The following DIDO1 variants were observed in gnomAD, a reference collection of about 807,000 sequenced individuals.
DIDO1 encodes death-inducer obliterator 1.
A neutral mutation model predicts 99.4 loss-of-function variants in DIDO1; 16 were observed. The ratio of observed to expected loss-of-function variants is 0.16; its 90% CI spans 0.11 to 0.24. The LOEUF (loss-of-function observed/expected upper bound fraction) is 0.24, where lower values mean the gene tolerates loss of function less well. DIDO1 is among the 10% of genes least tolerant of loss of function. DIDO1 has a pLI of 1.00. For missense variants in DIDO1, 2,996 were observed against 3,014.0 expected (o/e 0.99, Z 0.14); for synonymous variants, 1,366 against 1,239.1 (o/e 1.10, Z -2.15).
At chr20:62,886,063 C>T (rs1221928584) in intron 15 of DIDO1, among the ~76,000 whole-genome samples, 3 of 152,324 alleles carry the variant, frequency 2.0e-5, no homozygotes, top group East Asian at 3.9e-4. Context: ...GAGGCCTGCA[C>T]GAAGCTGGCA....
At chr20:62,904,555 C>T (rs1158474503) in intron 6 of DIDO1, among the ~76,000 whole-genome samples, 1 of 152,020 alleles carries the variant, frequency 6.6e-6, no homozygotes, top group Non-Finnish European at 1.5e-5. Context: ...CCGAGTTGGG[C>T]AGATCACATG....
upstream of DIDO1, among the ~76,000 whole-genome samples, chr20:62,927,536 G>A (rs114779622): frequency 2.3e-3 from 349 of 152,332 alleles, 1 homozygote; most frequent in African/African-American, 7.6e-3. Flanking sequence ...GGGGGGTGGA[G>A]GTGGCCCCAT....
chr20:62,895,361 G>GC (rs1226225482), intron 8 of DIDO1, among the ~76,000 whole-genome samples, 196 bp from the exon 9 acceptor site: 2 of 152,126 alleles, frequency 1.3e-5, no homozygotes, highest in African/African-American at 2.4e-5. Context: ...ATGAGAGTGC[G>GC]CCCCAGGATA....
chr20:62,931,092 CA>C (rs1256187689), upstream of DIDO1, among the ~76,000 whole-genome samples: 1 of 152,132 alleles, frequency 6.6e-6, no homozygotes, highest in Admixed American at 6.5e-5. Context: ...AGGTGCATGC[CA>C]CCACAACTGG....
At chr20:62,914,653 G>C (rs991882706) in intron 1 of DIDO1, among the ~76,000 whole-genome samples, 4 of 152,092 alleles carry the variant, frequency 2.6e-5, no homozygotes, top group African/African-American at 9.7e-5. Context: ...TGGAGTCCCA[G>C]GCTTGCCCCA....
At chr20:62,905,052 A>G (rs781056592) in intron 6 of DIDO1, 216 of 990,428 alleles carry the variant, frequency 2.2e-4, no homozygotes, top group Non-Finnish European at 2.4e-4. Context: ...ACAAGAAAAC[A>G]TTAAAATTGC....
At chr20:62,899,795 G>A (rs975187525) in intron 6 of DIDO1, among the ~76,000 whole-genome samples, 9 of 152,266 alleles carry the variant, frequency 5.9e-5, no homozygotes, top group South Asian at 2.1e-4. Context: ...CCTACAACAC[G>A]CAGAAAGCCC....
At chr20:62,883,660 A>G (rs1452646641) in intron 15 of DIDO1, among the ~76,000 whole-genome samples, 1 of 152,186 alleles carries the variant, frequency 6.6e-6, no homozygotes, top group Non-Finnish European at 1.5e-5. Flanking sequence ...CCCCGTCTCT[A>G]CTAAAAATAC....
At chr20:62,899,497 T>C (rs898081547) in intron 6 of DIDO1, among the ~76,000 whole-genome samples, 7 of 152,248 alleles carry the variant, frequency 4.6e-5, no homozygotes, top group African/African-American at 1.2e-4. Context: ...AACTACACTA[T>C]TGTCTCCCTC....
rs1229538835 is a variant in DIDO1, at chr20:62,879,827, C to T, written c.6129G>A (p.Glu2043=). 1 of 1,608,506 alleles carries T rather than the reference C, an allele frequency of 6.2e-7. No individual in the cohort carries two copies. Residue 2043 remains glutamate (E), a synonymous_variant, in exon 16 of 16, where the codon GAG becomes GAA. Transcript: ENST00000395343. This position sits in a 1 kb window ranked among gnomAD's most constrained non-coding sequence, Gnocchi z 6.3. ...AGGAGAGCGCGGAGGGCGGCCCGGCCTCCTCCCAGCGGTCCTTCCGGTGCT... is the reference window on the plus strand; with the variant it reads ...AGGAGAGCGCGGAGGGCGGCCCGGCTTCCTCCCAGCGGTCCTTCCGGTGCT... ...PPQHRKDRWE[E]AGPPSALSSS... is the part of the protein sequence containing the mutation.
At chr20:62,897,401 G>A (rs2064560507) in intron 6 of DIDO1, among the ~76,000 whole-genome samples, 1 of 152,208 alleles carries the variant, frequency 6.6e-6, no homozygotes, top group African/African-American at 2.4e-5. Flanking sequence ...AAACTTCAGT[G>A]AAAAAGACCG....
In DIDO1 at chr20:62,894,187, A is replaced by T; in HGVS notation, c.2580T>A (p.Val860=). 6.2e-7 allele frequency: 1 copy of T among 1,612,212 alleles called. No individual in the cohort carries two copies. Among genetic ancestry groups the T allele is most frequent in the Non-Finnish European group, 8.5e-7 (1 of 1,178,572 alleles). ...DLNCKICTGQ[V]PSAEDEPAPK... is the part of the protein sequence containing the mutation. ...GAGCTGGCTCATCTTCTGCGGAGGG[A>T]ACCTGGCCTGAAGAAGGCGAGGAAA... The change falls in exon 12 of 16, where the codon GTT becomes GTA. Residue 860 remains valine, a synonymous_variant. Coordinates refer to ENST00000395343, the MANE Select transcript of DIDO1 (RefSeq NM_001193369.2). The surrounding 1 kb of genome is among the most constrained non-coding windows in gnomAD (Gnocchi z 4.4).
chr20:62,931,949 T>TA (rs1210997136), intron 1 of DIDO1, among the ~76,000 whole-genome samples: 1 of 152,274 alleles, frequency 6.6e-6, no homozygotes, highest in East Asian at 1.9e-4. Context: ...AACAAAATGG[T>TA]AAAACTGAGA....
Position 62,879,390 on chromosome 20 carries a change from C to A in DIDO1, c.6566G>T (p.Arg2189Leu). 1 of 1,544,510 alleles carries A rather than the reference C, an allele frequency of 6.5e-7. No homozygotes were observed. Among genetic ancestry groups the A allele is most frequent in the East Asian group, 2.4e-5 (1 of 40,944 alleles). The change falls in exon 16 of 16, where the codon CGG becomes CTG. Residue 2189 changes from arginine to leucine, a missense_variant. Arg to Leu is a moderately radical substitution (Grantham distance 102). This residue lies in a region of DIDO1 where 1,562 missense variants were observed against 1,412.6 expected (regional missense o/e 1.11). Transcript: ENST00000395343. The surrounding 1 kb of genome is among the most constrained non-coding windows in gnomAD (Gnocchi z 6.3). ...CCGCTCTCTGCTCCGGGACCGGTCC[C>A]GGTCGCGCCTCCGGTCTCGCTCGCG... The part of the protein sequence containing the change: ...RERERDRRRD[R>L]DRSRSRERDR...
At chr20:62,910,634 G>T in intron 3 of DIDO1, 140 bp downstream of exon 3, 1 of 1,043,338 alleles carries the variant, frequency 9.6e-7, no homozygotes, top group Non-Finnish European at 1.4e-6. Flanking sequence ...CCACTCTTAT[G>T]TGTTTCTTTT....
At chr20:62,926,670 A>G (rs539576924), upstream of DIDO1, among the ~76,000 whole-genome samples, 1 of 152,204 alleles carries the variant, frequency 6.6e-6, no homozygotes, top group East Asian at 1.9e-4. Flanking sequence ...TCGGGTCTGC[A>G]CTGACAATGA....
intron 1 of DIDO1, among the ~76,000 whole-genome samples, chr20:62,916,074 T>C (rs1446317481): frequency 6.6e-6 from 1 of 152,208 alleles, no homozygotes; most frequent in Non-Finnish European, 1.5e-5. Flanking sequence ...AAAACATATG[T>C]ATATCAAGGC....
At chr20:62,929,692 A>AAAAAAAATATAT, upstream of DIDO1, among the ~76,000 whole-genome samples, 3 of 63,710 alleles carry the variant, frequency 4.7e-5, no homozygotes, top group African/African-American at 2.3e-4. Flanking sequence ...AAAAAGAAAA[A>AAAAAAAATATAT]GTGTATATAT....
In DIDO1 at chr20:62,894,589, C is replaced by T; in HGVS notation, c.2437-41G>A. 1 of 1,592,282 alleles carries T rather than the reference C, an allele frequency of 6.3e-7. No individual in the cohort carries two copies. The highest frequency in any genetic ancestry group is 8.5e-7 in the Non-Finnish European group (1 of 1,173,544). On this transcript the variant is annotated intron_variant, in intron 10 of 15. Coordinates refer to ENST00000395343, the MANE Select transcript of DIDO1 (RefSeq NM_001193369.2). The surrounding 1 kb of genome is among the most constrained non-coding windows in gnomAD (Gnocchi z 4.4). ...AAAAAAAAGTGAGGTCGTTTCTTCT[C>T]CAAACTCAGCTCCAAATTAACCACA... is the stretch of plus-strand genomic sequence containing the variant.
Sources: gnomAD v4.1 joint callset for allele counts (sites outside exome capture counted in the v4.1 genomes callset) on GRCh38, gnomAD v4.1.1 for gene constraint, gnomAD v4.1.1 regional missense constraint, Gnocchi (gnomAD v3.1) non-coding constraint, MANE v1.5 for transcripts, NCBI Gene and HGNC (gene_info 2026-07-23, HGNC 2026-07-21) for gene names.